Variants in CDK14 observed in about 807,000 individuals in gnomAD.
CDK14 encodes the protein cyclin dependent kinase 14, also known as cyclin-dependent kinase 14.
CDK14 carries 34 observed loss-of-function variants against 60.7 expected under a neutral mutation model. That is an observed-to-expected ratio of 0.56 (90% CI 0.43 to 0.75). The LOEUF (loss-of-function observed/expected upper bound fraction) is 0.75, where lower values mean the gene tolerates loss of function less well. Among genes scored for constraint, CDK14 ranks in the 30% least tolerant of loss-of-function variants. The probability of loss-of-function intolerance (pLI) is 0.00; values close to 1 mark genes in which losing one functional copy is unlikely to be tolerated. For synonymous variants in CDK14, 197 were observed against 203.7 expected, an observed-to-expected ratio of 0.97 and a Z score of 0.28; for missense variants, 482 against 564.1, an observed-to-expected ratio of 0.85 and a Z score of 1.47.
intron 4 of CDK14, among the ~76,000 whole-genome samples, chr7:90,771,071 C>T (rs1804766119): frequency 6.6e-6 from 1 of 152,206 alleles, no homozygotes; most frequent in Non-Finnish European, 1.5e-5. Flanking sequence ...GCCTTGATGT[C>T]TCCTGTTAGT....
chr7:90,675,997 G>A lies in CDK14; in HGVS notation c.124-50570G>A, dbSNP rs181513345. Among the ~76,000 whole-genome samples, 1,113 of 152,204 alleles carry A rather than the reference G, an allele frequency of 7.3e-3. 13 individuals are homozygous for A. The highest frequency in any genetic ancestry group is 0.01 in the Non-Finnish European group (697 of 67,998). ...ACTACAGTTCATCAAGAAGGCAGTC[G>A]GGAGACCATCCTAAGAATAATCATT... On this transcript the variant is annotated intron_variant, in intron 2 of 14. Transcript: ENST00000380050.
At chr7:91,205,822 G>A (rs1206151618) in intron 14 of CDK14, among the ~76,000 whole-genome samples, 1 of 151,934 alleles carries the variant, frequency 6.6e-6, no homozygotes, top group African/African-American at 2.4e-5. Context: ...TTGAGAGGGA[G>A]TCTTGCTCTA....
intron 12 of CDK14, among the ~76,000 whole-genome samples, chr7:91,080,273 C>T (rs1278683395): frequency 6.6e-6 from 1 of 151,902 alleles, no homozygotes; most frequent in African/African-American, 2.4e-5. Flanking sequence ...ATTTTGGATA[C>T]TCCCAGTTAT....
chr7:90,798,406 T>G (rs1788518998), intron 5 of CDK14, among the ~76,000 whole-genome samples: 1 of 152,208 alleles, frequency 6.6e-6, no homozygotes, highest in Non-Finnish European at 1.5e-5. Flanking sequence ...GTGTATCTAA[T>G]GGTAGAATTT....
chr7:90,974,896 G>T (rs947795477), intron 9 of CDK14, among the ~76,000 whole-genome samples: 1 of 152,094 alleles, frequency 6.6e-6, no homozygotes, highest in Non-Finnish European at 1.5e-5. Context: ...ATTAGCTGGT[G>T]CCTTTTTGAC....
At chr7:90,656,656 G>A (rs1434229299) in intron 2 of CDK14, among the ~76,000 whole-genome samples, 1 of 152,188 alleles carries the variant, frequency 6.6e-6, no homozygotes, top group African/African-American at 2.4e-5. Context: ...AGGATTACAG[G>A]CGTGAGCCAC....
At chr7:91,139,051 A>G (rs1339678501) in intron 14 of CDK14, among the ~76,000 whole-genome samples, 1 of 152,190 alleles carries the variant, frequency 6.6e-6, no homozygotes, top group Non-Finnish European at 1.5e-5. Context: ...TGTCCTTCTT[A>G]GACAAGTGAA....
chr7:91,186,995 A>G (rs1179016220), intron 14 of CDK14, among the ~76,000 whole-genome samples: 1 of 152,246 alleles, frequency 6.6e-6, no homozygotes, highest in East Asian at 1.9e-4. Context: ...CAATTAAAGC[A>G]CAAGAACAGG....
chr7:91,141,468 T>G (rs76758477), intron 14 of CDK14, among the ~76,000 whole-genome samples: 13 of 152,166 alleles, frequency 8.5e-5, no homozygotes, highest in East Asian at 5.8e-4. Flanking sequence ...GAAAGAGAGA[T>G]AGAAATTAAA....
intron 2 of CDK14, among the ~76,000 whole-genome samples, chr7:90,656,363 T>G (rs941223096): frequency 2.7e-5 from 4 of 147,416 alleles, no homozygotes; most frequent in African/African-American, 1.0e-4. Flanking sequence ...GGACTGGTGC[T>G]TCTCCTTTTT....
intron 8 of CDK14, among the ~76,000 whole-genome samples, chr7:90,929,212 A>G (rs1793515570): frequency 6.6e-6 from 1 of 152,178 alleles, no homozygotes; most frequent in African/African-American, 2.4e-5. Context: ...CGTGGGCTGC[A>G]CCCAGTGTCT....
intron 5 of CDK14, among the ~76,000 whole-genome samples, chr7:90,795,722 G>A (rs2116984160): frequency 6.6e-6 from 1 of 152,006 alleles, no homozygotes; most frequent in South Asian, 2.1e-4. Flanking sequence ...GAGAGGAGAG[G>A]GACAGGGACT....
In CDK14 at chr7:90,684,712, A is replaced by G. The variant is rs182964620; in HGVS notation, c.124-41855A>G. On this transcript the variant is annotated intron_variant, in intron 2 of 14. Coordinates refer to ENST00000380050, the MANE Select transcript of CDK14 (RefSeq NM_001287135.2). ...TCTGCCTTTTGAAGTGAGGCATATC[A>G]AAGAATTTGGGTACATATTTTAAAA... 9.2e-3 allele frequency among the ~76,000 whole-genome samples: 1,405 copies of G among 152,294 alleles called. 11 individuals are homozygous for G. The highest frequency in any genetic ancestry group is 0.048 in the Middle Eastern group (14 of 294).
intron 3 of CDK14, among the ~76,000 whole-genome samples, chr7:90,733,436 A>G (rs1238073013): frequency 1.3e-5 from 2 of 151,692 alleles, no homozygotes; most frequent in East Asian, 1.9e-4. Context: ...AAAGTTTCCT[A>G]CTATTGTTTG....
intron 10 of CDK14, among the ~76,000 whole-genome samples, chr7:90,999,441 T>C (rs1055715728): frequency 6.8e-6 from 1 of 146,744 alleles, no homozygotes; most frequent in Non-Finnish European, 1.5e-5. Context: ...AAAAAAAAAT[T>C]AGCCAGGCAT....
chr7:91,069,056 C>T (rs1798060511), intron 11 of CDK14, among the ~76,000 whole-genome samples: 1 of 152,128 alleles, frequency 6.6e-6, no homozygotes, highest in African/African-American at 2.4e-5. Flanking sequence ...ATACCTGACA[C>T]ACAGTAGTTG....
intron 7 of CDK14, among the ~76,000 whole-genome samples, chr7:90,906,729 A>G (rs1037606689): frequency 6.6e-6 from 1 of 152,094 alleles, no homozygotes; most frequent in African/African-American, 2.4e-5. Flanking sequence ...TTCAGGCATT[A>G]CAATGGTAAT....
At position 90,852,912 on chromosome 7, in the gene CDK14, C is replaced by T. The variant is rs1327425157; in HGVS notation, c.545-10263C>T. ...GTAACACAGGCTCTGGGACTGTGGG[C>T]CTTCCAATGAACTGTGCTGTACTTT... is the stretch of plus-strand genomic sequence containing the variant. On this transcript the variant is annotated intron_variant, in intron 5 of 14. Transcript: ENST00000380050. 2.6e-5 allele frequency among the ~76,000 whole-genome samples: 4 copies of T among 152,134 alleles called. No individual in the cohort carries two copies. The East Asian group carries it at 7.7e-4, about 29-fold the overall frequency.
intron 2 of CDK14, among the ~76,000 whole-genome samples, chr7:90,697,303 A>G (rs991178780): frequency 6.6e-6 from 1 of 152,180 alleles, no homozygotes; most frequent in Non-Finnish European, 1.5e-5. Context: ...TACAGTCGCT[A>G]TAACATGAGA....
Sources: allele counts gnomAD v4.1 joint callset (sites outside exome capture counted in the v4.1 genomes callset), GRCh38; gene constraint gnomAD v4.1.1; transcripts MANE v1.5; gene names NCBI Gene and HGNC (gene_info 2026-07-23, HGNC 2026-07-21).